Variants in RALGAPB observed in about 807,000 individuals in gnomAD.
RALGAPB encodes the protein ral GTPase-activating protein subunit beta.
RALGAPB carries 25 observed loss-of-function variants against 161.1 expected under a neutral mutation model. That is an observed-to-expected ratio of 0.16 (90% confidence interval 0.11 to 0.22). The LOEUF is 0.22. Ranked by LOEUF, RALGAPB falls within the 10% of genes least tolerant of loss-of-function variation. The pLI is 1.00. For missense variants in RALGAPB, 1,391 were observed against 1,815.2 expected, an observed-to-expected ratio of 0.77 and a Z score of 4.25; for synonymous variants, 629 against 626.1, an observed-to-expected ratio of 1.00 and a Z score of -0.07.
chr20:38,490,239 C>T (rs1309000108), intron 2 of RALGAPB, among the ~76,000 whole-genome samples: 5 of 152,000 alleles, frequency 3.3e-5, no homozygotes, highest in African/African-American at 7.2e-5. Flanking sequence ...GACGGAGTCT[C>T]GCTCTGTTGC....
At chr20:38,524,519 G>T (rs1419025220) in intron 10 of RALGAPB, among the ~76,000 whole-genome samples, 4 of 151,982 alleles carry the variant, frequency 2.6e-5, no homozygotes, top group African/African-American at 9.7e-5. Context: ...TAAGAAAGAT[G>T]ATTTGGGTCT....
chr20:38,569,891 A>T lies in RALGAPB; in HGVS notation c.3958A>T (p.Ser1320Cys), dbSNP rs772794600. Residue 1320 changes from serine (S) to cysteine (C), a missense_variant, in exon 27 of 30, where the codon AGT (serine) becomes TGT (cysteine). Ser to Cys is a moderately radical substitution (Grantham distance 112). Around this residue, in one of 3 missense-constraint regions of RALGAPB, gnomAD observed 436 missense variants for 527.0 expected, o/e 0.83. Transcript: ENST00000262879. ...TGTCTTCTTCTTCTTCATGTAGCTC[A>T]GTCCCAGTTCCAGAATGAGGAAGCT... ...TDNLNSSQRL[S>C]PSSRMRKLPQ... is the part of the protein sequence containing the mutation. 1 of 1,612,366 alleles carries T rather than the reference A, an allele frequency of 6.2e-7. No individual in the cohort carries two copies. The highest frequency in any genetic ancestry group is 1.1e-5 in the South Asian group (1 of 90,974).
chr20:38,553,907 A>G lies in RALGAPB; in HGVS notation c.3203A>G (p.Gln1068Arg). 6.2e-7 allele frequency: 1 copy of G among 1,613,332 alleles called. No individual in the cohort carries two copies. Among genetic ancestry groups the G allele is most frequent in the South Asian group, 1.1e-5 (1 of 91,050 alleles). Reference protein sequence around the residue: ...RHEKLRSGMAQQIAYEIHLEQ... With the variant: ...RHEKLRSGMARQIAYEIHLEQ... ...GAAAAATTAAGGAGTGGCATGGCCC[A>G]GCAGATTGCTTATGAAATACACCTT... is the stretch of plus-strand genomic sequence containing the variant. Residue 1068 changes from glutamine (Q) to arginine (R), a missense_variant, in exon 22 of 30, where the codon CAG becomes CGG. By Grantham distance (43) the Gln-to-Arg change is conservative (BLOSUM62 1). Transcript: ENST00000262879.
intron 16 of RALGAPB, among the ~76,000 whole-genome samples, chr20:38,538,622 T>G (rs1315464766): frequency 6.6e-6 from 1 of 152,164 alleles, no homozygotes; most frequent in Non-Finnish European, 1.5e-5. Flanking sequence ...AATAGATGTT[T>G]TATCAGAGAT....
chr20:38,554,745 A>C (rs1243789460), intron 22 of RALGAPB, among the ~76,000 whole-genome samples: 5 of 152,210 alleles, frequency 3.3e-5, no homozygotes, highest in Non-Finnish European at 7.3e-5. Flanking sequence ...CCAGCCTATA[A>C]GATAAATATT....
Position 38,492,914 on chromosome 20 carries a change from A to G in RALGAPB, c.187-16A>G. The G allele has an allele frequency of 6.4e-7, 1 of 1,573,020 alleles. No homozygotes were observed. Among genetic ancestry groups the G allele is most frequent in the Non-Finnish European group, 8.7e-7 (1 of 1,143,670 alleles). ...GAACGTGTAATAATTCTATATGGAT[A>G]TTTTCTTTTGTCTAGGTAAAATGGA... On this transcript the variant is annotated splice_polypyrimidine_tract_variant and intron_variant, in intron 2 of 29. Transcript: ENST00000262879.
Position 38,575,915 on chromosome 20 carries a change from T to A in RALGAPB, c.*948T>A, listed in dbSNP as rs1029702343. The A allele has an allele frequency of 1.3e-5, 2 of 152,582 alleles. No individual in the cohort carries two copies. The highest frequency in any genetic ancestry group is 1.3e-4 in the Admixed American group (2 of 15,282). 9.5% of individuals were successfully genotyped at this position (152,582 alleles called of 1,614,324 possible). A position where few individuals can be genotyped will look rare whatever the true frequency, so the allele number is the denominator to read the frequency against. On this transcript the variant is annotated 3_prime_UTR_variant, in exon 30 of 30. Coordinates refer to ENST00000262879, the MANE Select transcript of RALGAPB (RefSeq NM_020336.4). ...CAGTAGTTTGTGAAGGATTCTAATA[T>A]GGGGTTCAGGAATAGCCTCTCAACG...
rs778868222 is a variant in RALGAPB, at chr20:38,499,478, G to A, written c.585G>A (p.Leu195=). ...TTGCTGAGAATCTAGCAGAGAAGTT[G>A]ATTGGTGTTCTCTTTGAGGTGTGGT... ...GGIAENLAEK[L]IGVLFEVWLL... is the part of the protein sequence containing the mutation. The change falls in exon 5 of 30, where the codon TTG becomes TTA. Residue 195 remains leucine, a synonymous_variant. Coordinates refer to ENST00000262879, the MANE Select transcript of RALGAPB (RefSeq NM_020336.4). 8.1e-6 allele frequency: 13 copies of A among 1,611,204 alleles called. No individual in the cohort carries two copies. In the African/African-American group the frequency reaches 1.6e-4, roughly 20 times the overall value.
intron 1 of RALGAPB, among the ~76,000 whole-genome samples, chr20:38,487,799 G>T (rs147556892): frequency 2.8e-4 from 42 of 152,252 alleles, no homozygotes; most frequent in Middle Eastern, 6.8e-3. Context: ...GGGCACGGTG[G>T]CTCACACCTG....
intron 21 of RALGAPB, 73 bp downstream of exon 21, chr20:38,551,296 A>G (rs2087366207): frequency 6.6e-7 from 1 of 1,505,656 alleles, no homozygotes; most frequent in Non-Finnish European, 9.1e-7. Context: ...GGTCAAGACA[A>G]TGCTTTTAGT....
At chr20:38,507,333 G>A (rs911551030) in intron 5 of RALGAPB, among the ~76,000 whole-genome samples, 8 of 151,782 alleles carry the variant, frequency 5.3e-5, no homozygotes, top group Admixed American at 2.6e-4. Context: ...TTATATAATT[G>A]GAATTATAAT....
intron 12 of RALGAPB, 84 bp from the exon 13 acceptor site, chr20:38,525,811 G>C: frequency 7.2e-7 from 1 of 1,382,630 alleles, no homozygotes; most frequent in South Asian, 1.3e-5. Flanking sequence ...TCATTATACT[G>C]ATCCGTTCCT....
At chr20:38,525,579 A>G in intron 12 of RALGAPB, 61 bp downstream of exon 12, 1 of 1,227,298 alleles carries the variant, frequency 8.1e-7, no homozygotes, top group Non-Finnish European at 1.2e-6. Flanking sequence ...AATTTAAGTC[A>G]AATCGAATGT....
chr20:38,505,217 A>T (rs980814418), intron 5 of RALGAPB, among the ~76,000 whole-genome samples: 2 of 152,262 alleles, frequency 1.3e-5, no homozygotes, highest in African/African-American at 4.8e-5. Context: ...AAAATGTGGC[A>T]CATATGCACC....
chr20:38,485,223 G>A (rs1409042484), intron 1 of RALGAPB, among the ~76,000 whole-genome samples: 1 of 152,136 alleles, frequency 6.6e-6, no homozygotes, highest in African/African-American at 2.4e-5. Flanking sequence ...ATTGTTCATT[G>A]TGCAGGACTG....
At position 38,562,516 on chromosome 20, in the gene RALGAPB, T is replaced by C. The variant is rs779275128; in HGVS notation, c.3532-16T>C. 2.6e-6 allele frequency: 4 copies of C among 1,563,612 alleles called. No homozygotes were observed. In the East Asian group the frequency reaches 6.8e-5, roughly 27 times the overall value. On this transcript the variant is annotated splice_polypyrimidine_tract_variant and intron_variant, in intron 23 of 29. Transcript: ENST00000262879. ...TTGTTTCCTTCATTATAGCTGATGATTGGTATGTATTTCAGATTTTAAAGA... is the reference window on the plus strand; with the variant it reads ...TTGTTTCCTTCATTATAGCTGATGACTGGTATGTATTTCAGATTTTAAAGA...
intron 4 of RALGAPB, among the ~76,000 whole-genome samples, chr20:38,498,411 A>AT (rs2085489335): frequency 6.6e-6 from 1 of 152,228 alleles, no homozygotes; most frequent in African/African-American, 2.4e-5. Context: ...TGACTAACAC[A>AT]TGTGAGTGTG....
chr20:38,496,537 C>T lies in RALGAPB; in HGVS notation c.390-816C>T, dbSNP rs540287573. Among the ~76,000 whole-genome samples, 16 of 152,270 alleles carry T rather than the reference C, an allele frequency of 1.1e-4. 1 individual carries two copies. The South Asian group carries it at 2.9e-3, about 28-fold the overall frequency. On this transcript the variant is annotated intron_variant, in intron 3 of 29. Transcript: ENST00000262879. ...CTAATACAATGGGTTTCCTACTATT[C>T]TCAAAATTCTCAGTGGTCTACTTTG... is the stretch of plus-strand genomic sequence containing the variant.
intron 26 of RALGAPB, chr20:38,569,296 G>C (rs1029487374): frequency 2.0e-5 from 3 of 152,440 alleles, no homozygotes; most frequent in African/African-American, 7.3e-5. Flanking sequence ...TTTGCTAAAG[G>C]GGAGCCACAT....
Sources: gnomAD v4.1 joint callset for allele counts (sites outside exome capture counted in the v4.1 genomes callset) on GRCh38, gnomAD v4.1.1 for gene constraint, gnomAD v4.1.1 regional missense constraint, MANE v1.5 for transcripts, NCBI Gene and HGNC (gene_info 2026-07-23, HGNC 2026-07-21) for gene names.